The following FCHSD2 variants were observed in gnomAD, a reference collection of about 807,000 sequenced individuals.
FCHSD2 encodes the protein FCH and double SH3 domains 2.
Under a neutral mutation model 108.1 loss-of-function variants are expected in FCHSD2, and 38 were observed. The observed-to-expected ratio is 0.35, with a 90% CI of 0.27 to 0.46. The LOEUF is 0.46. Ranked by LOEUF, FCHSD2 falls within the 20% of genes least tolerant of loss-of-function variation. The pLI, the probability that FCHSD2 is intolerant of heterozygous loss-of-function variation, is 1.00. For synonymous variants in FCHSD2, 279 were observed against 314.7 expected, an observed-to-expected ratio of 0.89 and a Z score of 1.20; for missense variants, 751 against 897.8, an observed-to-expected ratio of 0.84 and a Z score of 2.09.
chr11:72,844,805 T>C (rs1180648723), intron 14 of FCHSD2, among the ~76,000 whole-genome samples: 1 of 152,134 alleles, frequency 6.6e-6, no homozygotes, highest in African/African-American at 2.4e-5. Flanking sequence ...AAAGGGGTCA[T>C]TTTCAAGATC....
intron 9 of FCHSD2, 67 bp downstream of exon 9, chr11:72,921,760 CT>C: frequency 7.5e-7 from 1 of 1,333,594 alleles, no homozygotes. Flanking sequence ...CCTTCATTTT[CT>C]TTGTATGCAG....
chr11:73,031,771 G>A, intron 3 of FCHSD2, among the ~76,000 whole-genome samples: 1 of 152,092 alleles, frequency 6.6e-6, no homozygotes, highest in South Asian at 2.1e-4. Context: ...ATACATTACA[G>A]GTAACCAACA....
chr11:73,139,634 T>C (rs943272749), intron 2 of FCHSD2, among the ~76,000 whole-genome samples: 3 of 152,224 alleles, frequency 2.0e-5, no homozygotes, highest in African/African-American at 7.2e-5. Flanking sequence ...TATAACCATC[T>C]GGGGTTGACT....
intron 12 of FCHSD2, among the ~76,000 whole-genome samples, chr11:72,884,361 A>C (rs1441163721): frequency 4.6e-5 from 7 of 151,992 alleles, no homozygotes; most frequent in African/African-American, 1.7e-4. Context: ...GAAAATTTTC[A>C]GTAAAAAAAT....
intron 2 of FCHSD2, among the ~76,000 whole-genome samples, chr11:73,131,729 T>A (rs1319886364): frequency 6.6e-6 from 1 of 151,732 alleles, no homozygotes; most frequent in Non-Finnish European, 1.5e-5. Flanking sequence ...TTAAAAAATT[T>A]AAAAAATAAG....
chr11:72,935,616 G>A (rs1856283820), intron 8 of FCHSD2, among the ~76,000 whole-genome samples: 1 of 152,202 alleles, frequency 6.6e-6, no homozygotes, highest in Admixed American at 6.5e-5. Flanking sequence ...AGGTTACAAA[G>A]AGAAAGTAGC....
intron 8 of FCHSD2, among the ~76,000 whole-genome samples, chr11:72,959,671 T>G (rs79351640): frequency 6.6e-6 from 1 of 152,130 alleles, no homozygotes; most frequent in African/African-American, 2.4e-5. Context: ...ATTGCTAAGA[T>G]AGACATTTCA....
intron 3 of FCHSD2, among the ~76,000 whole-genome samples, chr11:73,038,187 T>A (rs897678263): frequency 6.6e-6 from 1 of 151,920 alleles, no homozygotes. Flanking sequence ...TTAAAAAATT[T>A]AAAAATTAAC....
At chr11:73,042,092 A>G (rs1022781663) in intron 3 of FCHSD2, among the ~76,000 whole-genome samples, 1 of 152,030 alleles carries the variant, frequency 6.6e-6, no homozygotes, top group Non-Finnish European at 1.5e-5. Flanking sequence ...ACACCCAGCT[A>G]ATTTTTTTAT....
intron 8 of FCHSD2, among the ~76,000 whole-genome samples, chr11:72,973,313 G>A: frequency 6.6e-6 from 1 of 151,730 alleles, no homozygotes; most frequent in East Asian, 1.9e-4. Flanking sequence ...GTTGTGGTGA[G>A]ACGAGATCGT....
intron 2 of FCHSD2, among the ~76,000 whole-genome samples, chr11:73,129,200 C>T (rs1860932323): frequency 6.6e-6 from 1 of 152,110 alleles, no homozygotes; most frequent in Non-Finnish European, 1.5e-5. Flanking sequence ...TTGATGTTCT[C>T]AATTACAAAA....
chr11:72,854,999 C>A (rs942715969), intron 13 of FCHSD2, among the ~76,000 whole-genome samples: 1 of 151,998 alleles, frequency 6.6e-6, no homozygotes, highest in African/African-American at 2.4e-5. Context: ...TTAGGCCAGG[C>A]ACGGTGGCTC....
At chr11:73,099,891 T>C (rs959929610) in intron 2 of FCHSD2, among the ~76,000 whole-genome samples, 2 of 152,240 alleles carry the variant, frequency 1.3e-5, no homozygotes, top group African/African-American at 4.8e-5. Flanking sequence ...CCGAGGGGAC[T>C]TTCGGCACTT....
intron 8 of FCHSD2, among the ~76,000 whole-genome samples, chr11:72,954,861 T>C (rs953173103): frequency 3.3e-5 from 5 of 152,122 alleles, no homozygotes; most frequent in Admixed American, 6.5e-5. Flanking sequence ...TCAATGTGAA[T>C]TGATATCTAT....
At chr11:72,913,168 G>GC (rs1170302676) in intron 9 of FCHSD2, among the ~76,000 whole-genome samples, 2 of 152,142 alleles carry the variant, frequency 1.3e-5, no homozygotes, top group Non-Finnish European at 1.5e-5. Flanking sequence ...CCTCCCACTG[G>GC]CCCCTCCTCC....
intron 13 of FCHSD2, among the ~76,000 whole-genome samples, chr11:72,866,941 T>C (rs1326651024): frequency 1.3e-5 from 2 of 152,194 alleles, no homozygotes; most frequent in Non-Finnish European, 2.9e-5. Flanking sequence ...CTATTCCAAC[T>C]AGCCACTCAC....
chr11:73,077,386 T>C (rs1363506920), intron 3 of FCHSD2, among the ~76,000 whole-genome samples: 3 of 151,934 alleles, frequency 2.0e-5, no homozygotes, highest in African/African-American at 7.3e-5. Context: ...TATCACAATA[T>C]CAAAAATTAA....
chr11:73,105,926 C>T (rs966401645), intron 2 of FCHSD2, among the ~76,000 whole-genome samples: 7 of 152,014 alleles, frequency 4.6e-5, no homozygotes. Context: ...AATAAGATAC[C>T]TATAGAAGAT....
intron 9 of FCHSD2, among the ~76,000 whole-genome samples, chr11:72,912,106 G>C (rs1023496430): frequency 6.6e-6 from 1 of 152,124 alleles, no homozygotes; most frequent in African/African-American, 2.4e-5. Context: ...ATAATAATTT[G>C]ACTTCTTCCT....
Sources: gnomAD v4.1 joint callset for allele counts (sites outside exome capture counted in the v4.1 genomes callset) on GRCh38, gnomAD v4.1.1 for gene constraint, MANE v1.5 for transcripts, NCBI Gene and HGNC (gene_info 2026-07-23, HGNC 2026-07-21) for gene names.